The following ZPBP variants were observed in gnomAD, a reference collection of about 807,000 sequenced individuals.
The protein encoded by ZPBP is zona pellucida binding protein.
Under a neutral mutation model 44.8 loss-of-function variants are expected in ZPBP, and 26 were observed. The observed-to-expected ratio is 0.58, with a 90% CI of 0.43 to 0.81. ZPBP has a LOEUF of 0.81. Ranked by LOEUF, ZPBP falls within the 30% of genes least tolerant of loss-of-function variation. The probability of loss-of-function intolerance (pLI) is 0.00; values close to 1 mark genes in which losing one functional copy is unlikely to be tolerated. For synonymous variants in ZPBP, 174 were observed against 153.2 expected, an observed-to-expected ratio of 1.14 and a Z score of -1.00; for missense variants, 409 against 434.0, an observed-to-expected ratio of 0.94 and a Z score of 0.51.
chr7:49,890,238 A>C (rs1792071809), intron 2 of ZPBP, among the ~76,000 whole-genome samples: 1 of 152,210 alleles, frequency 6.6e-6, no homozygotes, highest in South Asian at 2.1e-4. Flanking sequence ...TCCCAGGTCA[A>C]GCGTATTTGA....
intron 5 of ZPBP, among the ~76,000 whole-genome samples, chr7:50,028,354 T>C (rs35442959): frequency 0.25 from 37,348 of 151,778 alleles, 5,685 homozygotes; most frequent in Non-Finnish European, 0.35. Context: ...GTCCTTTCAT[T>C]ATAAACCCAC....
intron 7 of ZPBP, among the ~76,000 whole-genome samples, chr7:49,968,781 ATAAT>A (rs1406899003): frequency 7.2e-5 from 11 of 152,026 alleles, no homozygotes; most frequent in Admixed American, 5.2e-4. Flanking sequence ...GTAATTATTA[ATAAT>A]TACTGTTAAT....
intron 1 of ZPBP, among the ~76,000 whole-genome samples, chr7:49,910,367 T>G (rs1793343508): frequency 1.3e-5 from 2 of 152,234 alleles, no homozygotes; most frequent in African/African-American, 4.8e-5. Context: ...CTTTGATGAC[T>G]TCACACGCTA....
intron 2 of ZPBP, among the ~76,000 whole-genome samples, chr7:49,897,851 GT>G (rs912926712): frequency 6.6e-6 from 1 of 152,216 alleles, no homozygotes; most frequent in Non-Finnish European, 1.5e-5. Flanking sequence ...CACACTTTGA[GT>G]TTTACTGCCA....
chr7:49,987,443 G>C (rs1300270331), intron 6 of ZPBP, among the ~76,000 whole-genome samples: 1 of 152,108 alleles, frequency 6.6e-6, no homozygotes, highest in African/African-American at 2.4e-5. Context: ...GAATCCTTGG[G>C]AAAAACAGAA....
intron 6 of ZPBP, among the ~76,000 whole-genome samples, chr7:50,016,352 C>A (rs1226737222): frequency 6.6e-6 from 1 of 152,036 alleles, no homozygotes; most frequent in African/African-American, 2.4e-5. Flanking sequence ...TAAGTGGGAG[C>A]TAAACATTGA....
At chr7:50,088,963 T>C (rs1407980823) in intron 2 of ZPBP, among the ~76,000 whole-genome samples, 6 of 151,960 alleles carry the variant, frequency 3.9e-5, no homozygotes, top group Non-Finnish European at 8.8e-5. Flanking sequence ...CTCAAAAACG[T>C]CATACTAAGT....
At chr7:49,981,259 A>AAT (rs1398818790) in intron 7 of ZPBP, among the ~76,000 whole-genome samples, 3 of 113,092 alleles carry the variant, frequency 2.7e-5, no homozygotes, top group African/African-American at 1.0e-4. Flanking sequence ...TGTTATATAT[A>AAT]ATATAGATCA....
chr7:49,865,088 G>A (rs1234341333), intron 2 of ZPBP, among the ~76,000 whole-genome samples: 5 of 152,114 alleles, frequency 3.3e-5, no homozygotes, highest in Admixed American at 1.3e-4. Flanking sequence ...ATACTTTTCT[G>A]TCATGTTTTC....
chr7:49,899,324 C>A (rs4917100), intron 2 of ZPBP, among the ~76,000 whole-genome samples: 68,575 of 151,650 alleles, frequency 0.45, 15,765 homozygotes, highest in Non-Finnish European at 0.48. Context: ...CTATTTAGAG[C>A]AGTGCAAAAA....
chr7:50,059,602 G>C (rs1015130245), intron 3 of ZPBP, among the ~76,000 whole-genome samples: 2 of 152,148 alleles, frequency 1.3e-5, no homozygotes, highest in Non-Finnish European at 2.9e-5. Context: ...ACACCTCGTA[G>C]AGATGTAATA....
intron 5 of ZPBP, among the ~76,000 whole-genome samples, chr7:50,029,806 T>C (rs1381042457): frequency 1.3e-5 from 2 of 151,434 alleles, no homozygotes; most frequent in Non-Finnish European, 2.9e-5. Flanking sequence ...ATGAGTCTAG[T>C]ATACTTTCAG....
intron 1 of ZPBP, among the ~76,000 whole-genome samples, chr7:49,928,594 C>T (rs1794335863): frequency 6.6e-6 from 1 of 152,208 alleles, no homozygotes; most frequent in South Asian, 2.1e-4. Context: ...TTATAAAGAA[C>T]TTCCCATGAG....
At chr7:49,841,359 A>G in the ZPBP span, among the ~76,000 whole-genome samples, 1 of 152,052 alleles carries the variant, frequency 6.6e-6, no homozygotes, top group Non-Finnish European at 1.5e-5. Flanking sequence ...CAGTAAACAG[A>G]ACAGTCAGCT....
intron 3 of ZPBP, among the ~76,000 whole-genome samples, chr7:50,076,363 C>T (rs780909616): frequency 7.9e-5 from 12 of 151,848 alleles, no homozygotes; most frequent in Non-Finnish European, 1.3e-4. Context: ...TGGAACACAA[C>T]AAGGATACCC....
intron 1 of ZPBP, among the ~76,000 whole-genome samples, chr7:49,931,198 A>T (rs1201133059): frequency 6.6e-6 from 1 of 152,216 alleles, no homozygotes; most frequent in African/African-American, 2.4e-5. Flanking sequence ...TATTAGCAGC[A>T]TGAGAACAGA....
intron 2 of ZPBP, among the ~76,000 whole-genome samples, chr7:49,853,810 A>G (rs62456370): frequency 0.67 from 100,843 of 151,338 alleles, 34,595 homozygotes; most frequent in East Asian, 0.88. Context: ...GGTGTGCTGC[A>G]CCCATTAACT....
chr7:49,982,315 A>AATATAT, intron 7 of ZPBP, among the ~76,000 whole-genome samples: 1 of 113,842 alleles, frequency 8.8e-6, no homozygotes, highest in African/African-American at 3.7e-5. Context: ...ATAATTATAT[A>AATATAT]ATATATAATT....
intron 7 of ZPBP, among the ~76,000 whole-genome samples, chr7:49,950,418 A>G (rs1197648339): frequency 2.6e-5 from 4 of 151,880 alleles, no homozygotes; most frequent in Non-Finnish European, 1.5e-5. Context: ...AACCATGACA[A>G]TTTTATTTTA....
Sources: gnomAD v4.1 joint callset for allele counts (sites outside exome capture counted in the v4.1 genomes callset) on GRCh38, gnomAD v4.1.1 for gene constraint, MANE v1.5 for transcripts, NCBI Gene and HGNC (gene_info 2026-07-23, HGNC 2026-07-21) for gene names.